The following WWP1 variants were observed in gnomAD, a reference collection of about 807,000 sequenced individuals.
The protein encoded by WWP1 is WW domain containing E3 ubiquitin protein ligase 1.
In WWP1, 49 loss-of-function variants were observed where a neutral mutation model predicts 130.6. The ratio of observed to expected loss-of-function variants is 0.38; its 90% confidence interval spans 0.30 to 0.48. The LOEUF (loss-of-function observed/expected upper bound fraction) is 0.48. WWP1 is among the 20% of genes least tolerant of loss of function. The pLI, the probability that WWP1 is intolerant of heterozygous loss-of-function variation, is 0.99. For synonymous variants in WWP1, 332 were observed against 367.8 expected (o/e 0.90, Z 1.11); for missense variants, 809 against 1,100.6 (o/e 0.74, Z 3.75).
intron 1 of WWP1, among the ~76,000 whole-genome samples, chr8:86,346,315 T>C (rs1822576279): frequency 6.6e-6 from 1 of 151,940 alleles, no homozygotes; most frequent in Non-Finnish European, 1.5e-5. Context: ...AGAACTTTAT[T>C]GGGAGGCTGA....
chr8:86,445,999 G>A (rs1225290059), intron 18 of WWP1, among the ~76,000 whole-genome samples: 1 of 14,362 alleles, frequency 7.0e-5, no homozygotes, highest in Admixed American at 5.8e-4. Flanking sequence ...TTTTTTTTTT[G>A]AGACAAGAGT....
intron 3 of WWP1, among the ~76,000 whole-genome samples, chr8:86,374,678 A>T (rs1824528274): frequency 6.6e-6 from 1 of 152,192 alleles, no homozygotes; most frequent in South Asian, 2.1e-4. Context: ...CTAAAAGGAA[A>T]CAAAATTTAA....
At chr8:86,416,681 G>C (rs1808907060) in intron 9 of WWP1, among the ~76,000 whole-genome samples, 1 of 151,972 alleles carries the variant, frequency 6.6e-6, no homozygotes, top group South Asian at 2.1e-4. Flanking sequence ...CTAGGTAGAA[G>C]AGGGTTATGG....
At position 86,402,191 on chromosome 8, in the gene WWP1, G is replaced by A. The variant is rs2130509316; in HGVS notation, c.712G>A (p.Ala238Thr). Residue 238 changes from alanine (A) to threonine (T), a missense_variant, in exon 8 of 25, where the codon GCC becomes ACC. Around this residue, in one of 3 missense-constraint regions of WWP1, gnomAD observed 262 missense variants for 346.0 expected, o/e 0.76. Transcript: ENST00000517970. The part of the protein sequence containing the change: ...PAPKPLASEP[A>T]DDTVNGESSS... The stretch of plus-strand genomic sequence containing the variant: ...TCCAAAACCACTCGCATCTGAGCCT[G>A]CCGATGACACTGGTAAGCAAGGCTA... The A allele has an allele frequency of 2.5e-6, 4 of 1,613,082 alleles. 1 individual carries two copies. Among genetic ancestry groups the A allele is most frequent in the Middle Eastern group, 1.7e-4 (1 of 6,058 alleles).
chr8:86,441,028 T>A (rs139138978), intron 17 of WWP1, among the ~76,000 whole-genome samples: 2 of 152,374 alleles, frequency 1.3e-5, no homozygotes, highest in East Asian at 3.9e-4. Flanking sequence ...TGTTGAAAGT[T>A]AATTCTTCTG....
At chr8:86,393,686 G>A (rs1563492387) in intron 5 of WWP1, among the ~76,000 whole-genome samples, 1 of 152,144 alleles carries the variant, frequency 6.6e-6, no homozygotes, top group Non-Finnish European at 1.5e-5. Flanking sequence ...TCACTTACAA[G>A]CTATGTAACC....
intron 21 of WWP1, among the ~76,000 whole-genome samples, chr8:86,454,086 G>T (rs1304220454): frequency 6.6e-6 from 1 of 152,064 alleles, no homozygotes; most frequent in East Asian, 1.9e-4. Context: ...CTCAGTATCT[G>T]TGGGAGATTG....
At position 86,440,128 on chromosome 8, in the gene WWP1, A is replaced by G. The variant is rs190502951; in HGVS notation, c.1838+1455A>G. On this transcript the variant is annotated intron_variant, in intron 17 of 24. Transcript: ENST00000517970. ...TTTCAGAAATGTTCAGACATAAGAA[A>G]GGTACATCTTAGAAATGAGGAAATA... Among the ~76,000 whole-genome samples, 452 of 152,330 alleles carry G rather than the reference A, an allele frequency of 3.0e-3. 2 individuals carry two copies. The highest frequency in any genetic ancestry group is 0.01 in the African/African-American group (430 of 41,578).
chr8:86,431,741 T>C lies in WWP1; in HGVS notation c.1599T>C (p.Ser533=). 6.2e-7 allele frequency: 1 copy of C among 1,613,682 alleles called. No homozygotes were observed. Among genetic ancestry groups the C allele is most frequent in the African/African-American group, 1.3e-5 (1 of 75,030 alleles). The change falls in exon 14 of 25, where the codon TCT becomes TCC. Residue 533 remains serine (S), a splice_region_variant and synonymous_variant. Transcript: ENST00000517970. The part of the protein sequence containing the change: ...TFKDPRNGKS[S]VTKGGPQIAY... ...AAGATCCTCGCAATGGGAAGTCATC[T>C]GTGTGAGTGAAAACCTGAAGTTCTC...
intron 5 of WWP1, among the ~76,000 whole-genome samples, chr8:86,391,315 A>G (rs1266870348): frequency 6.6e-6 from 1 of 152,216 alleles, no homozygotes; most frequent in African/African-American, 2.4e-5. Context: ...GATTTAAGCC[A>G]TCATTTGTGC....
rs150259568 is a variant in WWP1, at chr8:86,466,830, T to C, written c.2706T>C (p.Tyr902=). Residue 902 remains tyrosine, a synonymous_variant, in exon 25 of 25, where the codon TAT becomes TAC. Transcript: ENST00000517970. Reference sequence around the variant, plus strand: ...TGGATCTACCACCATATAAGAGTTATGAACAACTAAAGGAAAAACTTCTTT... The same window carrying C: ...TGGATCTACCACCATATAAGAGTTACGAACAACTAAAGGAAAAACTTCTTT... ...NRLDLPPYKS[Y]EQLKEKLLFA... 1.6e-5 allele frequency: 25 copies of C among 1,606,178 alleles called. No individual in the cohort carries two copies. The African/African-American group carries it at 3.2e-4, about 21-fold the overall frequency.
chr8:86,342,961 GCGAATGGGCAGGGC>G, intron 1 of WWP1, 31 bp downstream of exon 1: 1 of 302,304 alleles, frequency 3.3e-6, no homozygotes, highest in Non-Finnish European at 6.1e-6. Flanking sequence ...GGCTGGGGGT[GCGAATGGGCAGGGC>G]GGGAGGGGGC....
chr8:86,347,663 G>A (rs1323107124), intron 1 of WWP1, among the ~76,000 whole-genome samples: 3 of 152,186 alleles, frequency 2.0e-5, no homozygotes, highest in African/African-American at 4.8e-5. Flanking sequence ...CAAGGATAAA[G>A]CAAAAGTTGA....
intron 7 of WWP1, 45 bp downstream of exon 7, chr8:86,398,683 A>C (rs1563496839): frequency 1.3e-6 from 2 of 1,587,548 alleles, no homozygotes; most frequent in Non-Finnish European, 1.7e-6. Flanking sequence ...GATGTGGAAC[A>C]TATTTCCTGA....
intron 8 of WWP1, among the ~76,000 whole-genome samples, chr8:86,403,608 A>C (rs1808120244): frequency 6.6e-6 from 1 of 152,136 alleles, no homozygotes; most frequent in Non-Finnish European, 1.5e-5. Flanking sequence ...AATAAGTCTT[A>C]ATTGTGTATT....
At chr8:86,388,775 A>G (rs939516714) in intron 5 of WWP1, among the ~76,000 whole-genome samples, 1 of 152,132 alleles carries the variant, frequency 6.6e-6, no homozygotes, top group African/African-American at 2.4e-5. Flanking sequence ...AATAATTCTT[A>G]TTTTATTTGC....
rs1438083370 is a variant in WWP1 at position 86,457,962 on chromosome 8, G to T, written c.2436G>T (p.Trp812Cys). The stretch of plus-strand genomic sequence containing the variant: ...TGCAGGAGGTTGACTTGGCAGATTG[G>T]CAGAGAAATACTGTTTATCGACATT... Reference protein sequence around the residue: ...CGMQEVDLADWQRNTVYRHYT... With the variant: ...CGMQEVDLADCQRNTVYRHYT... The change falls in exon 22 of 25, where the codon TGG becomes TGT. Residue 812 changes from tryptophan (W) to cysteine (C), a missense_variant. Transcript: ENST00000517970. 2 of 1,612,954 alleles carry T rather than the reference G, an allele frequency of 1.2e-6. No homozygotes were observed.
chr8:86,422,716 A>C (rs1809298325), intron 9 of WWP1, among the ~76,000 whole-genome samples: 2 of 152,106 alleles, frequency 1.3e-5, no homozygotes, highest in African/African-American at 4.8e-5. Flanking sequence ...TACCATATTA[A>C]GAAGACTAAA....
chr8:86,424,015 G>A (rs1482165591), intron 9 of WWP1, among the ~76,000 whole-genome samples: 2 of 145,996 alleles, frequency 1.4e-5, no homozygotes, highest in African/African-American at 5.1e-5. Context: ...GGACGGGGCA[G>A]CTGCCGGGCG....
Sources: gnomAD v4.1 joint callset for allele counts (sites outside exome capture counted in the v4.1 genomes callset) on GRCh38, gnomAD v4.1.1 for gene constraint, gnomAD v4.1.1 regional missense constraint, MANE v1.5 for transcripts, NCBI Gene and HGNC (gene_info 2026-07-23, HGNC 2026-07-21) for gene names.